The following GRID1 variants were observed in gnomAD, a reference collection of about 807,000 sequenced individuals.
GRID1 encodes the protein glutamate receptor ionotropic, delta-1.
GRID1 carries 28 observed loss-of-function variants against 98.0 expected under a neutral mutation model. The ratio of observed to expected loss-of-function variants is 0.29; its 90% CI spans 0.21 to 0.39. GRID1 has a LOEUF of 0.39. Ranked by LOEUF, GRID1 falls within the 10% of genes least tolerant of loss-of-function variation. GRID1 has a pLI of 1.00. For missense variants in GRID1, 1,111 were observed against 1,340.5 expected, an observed-to-expected ratio of 0.83 and a Z score of 2.67; for synonymous variants, 553 against 538.5, an observed-to-expected ratio of 1.03 and a Z score of -0.37.
chr10:86,051,158 T>G (rs1407176023), intron 4 of GRID1, among the ~76,000 whole-genome samples: 2 of 151,430 alleles, frequency 1.3e-5, no homozygotes, highest in Admixed American at 1.3e-4. Flanking sequence ...TACAGACATG[T>G]GAAAGACCTC....
intron 2 of GRID1, among the ~76,000 whole-genome samples, chr10:86,359,936 T>C (rs549400635): frequency 5.3e-5 from 8 of 152,258 alleles, no homozygotes; most frequent in Non-Finnish European, 1.2e-4. Context: ...ATGTCCTTTC[T>C]GTGTTATTTG....
intron 12 of GRID1, among the ~76,000 whole-genome samples, chr10:85,672,971 A>G (rs990589105): frequency 2.1e-4 from 32 of 152,228 alleles, no homozygotes; most frequent in African/African-American, 7.7e-4. Context: ...CCTTCTGAAA[A>G]GGATTCACCA....
chr10:86,347,867 C>A (rs1047739260), intron 2 of GRID1, among the ~76,000 whole-genome samples: 4 of 152,120 alleles, frequency 2.6e-5, no homozygotes, highest in Non-Finnish European at 5.9e-5. Context: ...TCAGATGGTC[C>A]GCTTTAGCAT....
chr10:85,662,302 T>A lies in GRID1; in HGVS notation c.1998-14905A>T, dbSNP rs143666777. 1.2e-3 allele frequency among the ~76,000 whole-genome samples: 176 copies of A among 152,354 alleles called. 2 individuals carry two copies. Among genetic ancestry groups the A allele is most frequent in the African/African-American group, 4.2e-3 (173 of 41,588 alleles). On this transcript the variant is annotated intron_variant, in intron 12 of 15. Coordinates refer to ENST00000327946, the MANE Select transcript of GRID1 (RefSeq NM_017551.3). ...CAGGTCTCTGTACAGGTATTTCTGA[T>A]GTTCCTTCATGGGTTTGGCTAAACA...
At chr10:86,342,235 A>C (rs193087780) in intron 2 of GRID1, among the ~76,000 whole-genome samples, 2 of 152,288 alleles carry the variant, frequency 1.3e-5, no homozygotes, top group Admixed American at 1.3e-4. Context: ...CACGGCCCTC[A>C]TGCTGCGGGC....
chr10:85,922,031 C>G lies in GRID1; in HGVS notation c.727-5792G>C, dbSNP rs148335883. On this transcript the variant is annotated intron_variant, in intron 4 of 15. Transcript: ENST00000327946. Reference sequence around the variant, plus strand: ...CTAGACTCGTATCTTGCAGAAGGTCCCTTAGCCAGTATTCAGCAGAGGTTA... The same window carrying G: ...CTAGACTCGTATCTTGCAGAAGGTCGCTTAGCCAGTATTCAGCAGAGGTTA... Among the ~76,000 whole-genome samples, 200 of 152,256 alleles carry G rather than the reference C, an allele frequency of 1.3e-3. 1 individual carries two copies. The highest frequency in any genetic ancestry group is 4.5e-3 in the African/African-American group (188 of 41,544).
chr10:86,017,898 C>A (rs559782146), intron 4 of GRID1, among the ~76,000 whole-genome samples: 16 of 152,300 alleles, frequency 1.1e-4, no homozygotes, highest in African/African-American at 3.8e-4. Context: ...TCCCTTAGTG[C>A]TCACGTGTGT....
intron 12 of GRID1, among the ~76,000 whole-genome samples, chr10:85,721,636 T>A (rs909542927): frequency 2.6e-5 from 4 of 152,160 alleles, no homozygotes; most frequent in African/African-American, 9.7e-5. Flanking sequence ...CATACTGAAA[T>A]GACAAAATTT....
Position 86,366,764 on chromosome 10 carries a change from C to CTG in GRID1, c.-374_-373dup, listed in dbSNP as rs1848688309. Among the ~76,000 whole-genome samples the CTG allele has an allele frequency of 6.7e-6, 1 of 150,304 alleles. No individual in the cohort carries two copies. Among genetic ancestry groups the CTG allele is most frequent in the Non-Finnish European group, 1.5e-5 (1 of 66,958 alleles). On this transcript the variant is annotated 5_prime_UTR_variant, in exon 1 of 16. Transcript: ENST00000327946. This position sits in a 1 kb window ranked among gnomAD's most constrained non-coding sequence, Gnocchi z 4.1. ...GGCCGGCGTGGCGGCTCTGGGCTGG[C>CTG]TGTGTGTCTGAGCCCCGGCGAGGAG...
At chr10:85,744,160 G>T (rs553310337) in intron 8 of GRID1, among the ~76,000 whole-genome samples, 38 of 152,218 alleles carry the variant, frequency 2.5e-4, no homozygotes, top group African/African-American at 8.9e-4. Flanking sequence ...TATTTAAAAT[G>T]CTGCCTTGAA....
At chr10:85,870,232 T>C (rs924106753) in intron 5 of GRID1, among the ~76,000 whole-genome samples, 3 of 152,186 alleles carry the variant, frequency 2.0e-5, no homozygotes, top group Non-Finnish European at 4.4e-5. Flanking sequence ...TCTTCCAACC[T>C]CCATCTTTCT....
At chr10:85,759,242 C>T (rs1842125374) in intron 8 of GRID1, among the ~76,000 whole-genome samples, 1 of 152,160 alleles carries the variant, frequency 6.6e-6, no homozygotes, top group Non-Finnish European at 1.5e-5. Context: ...AGGGCCTTTC[C>T]CTCTCCCTGC....
At chr10:86,001,385 C>G (rs1212936050) in intron 4 of GRID1, among the ~76,000 whole-genome samples, 4 of 152,264 alleles carry the variant, frequency 2.6e-5, no homozygotes, top group Admixed American at 2.6e-4. Flanking sequence ...CTCACTCAGT[C>G]TCTCAGAAGA....
chr10:85,769,673 T>G (rs1486453553), intron 8 of GRID1, among the ~76,000 whole-genome samples: 2 of 152,146 alleles, frequency 1.3e-5, no homozygotes, highest in Non-Finnish European at 2.9e-5. Context: ...GGAGATTATA[T>G]CCTGCACCTG....
At chr10:85,726,132 T>C (rs1380418713) in intron 10 of GRID1, among the ~76,000 whole-genome samples, 1 of 152,118 alleles carries the variant, frequency 6.6e-6, no homozygotes, top group Non-Finnish European at 1.5e-5. Flanking sequence ...CTCCCTTCTG[T>C]GGGAGATGGC....
chr10:86,115,559 C>G (rs1844564111), intron 4 of GRID1, among the ~76,000 whole-genome samples: 1 of 152,198 alleles, frequency 6.6e-6, no homozygotes, highest in South Asian at 2.1e-4. Flanking sequence ...CTCATTACCC[C>G]CATTTTTCAG....
intron 3 of GRID1, among the ~76,000 whole-genome samples, chr10:86,187,381 C>T (rs10788484): frequency 0.39 from 58,724 of 151,988 alleles, 11,641 homozygotes; most frequent in South Asian, 0.52. Context: ...ACATTGAGTA[C>T]CTCACCCAAG....
chr10:86,018,173 C>T (rs998490187), intron 4 of GRID1, among the ~76,000 whole-genome samples: 2 of 152,242 alleles, frequency 1.3e-5, no homozygotes, highest in African/African-American at 4.8e-5. Flanking sequence ...AGGGGTGATC[C>T]GGCCCTGGGC....
At chr10:86,066,738 T>C (rs934306376) in intron 4 of GRID1, among the ~76,000 whole-genome samples, 4 of 152,214 alleles carry the variant, frequency 2.6e-5, no homozygotes, top group African/African-American at 9.6e-5. Context: ...TTCAAGCCAT[T>C]GCCTAAGTTA....
Sources: gnomAD v4.1 joint callset for allele counts (sites outside exome capture counted in the v4.1 genomes callset) on GRCh38, gnomAD v4.1.1 for gene constraint, Gnocchi (gnomAD v3.1) non-coding constraint, MANE v1.5 for transcripts, NCBI Gene and HGNC (gene_info 2026-07-23, HGNC 2026-07-21) for gene names.